Variants in CDH22 observed in about 807,000 individuals in gnomAD.
CDH22 encodes cadherin 22.
In CDH22, 30 loss-of-function variants were observed where a neutral mutation model predicts 58.4. That is an observed-to-expected ratio of 0.51 (90% CI 0.38 to 0.70). CDH22 has a LOEUF of 0.70. Ranked by LOEUF, CDH22 falls within the 30% of genes least tolerant of loss-of-function variation. The probability of loss-of-function intolerance (pLI) is 0.00; values close to 1 mark genes in which losing one functional copy is unlikely to be tolerated. For missense variants in CDH22, 1,014 were observed against 1,233.9 expected, an observed-to-expected ratio of 0.82 and a Z score of 2.67; for synonymous variants, 513 against 558.2, an observed-to-expected ratio of 0.92 and a Z score of 1.14.
At position 46,251,410 on chromosome 20, in the gene CDH22, G is replaced by A. The variant is rs890873445; in HGVS notation, c.-116C>T. 21 of 1,204,476 alleles carry A rather than the reference G, an allele frequency of 1.7e-5. No individual in the cohort carries two copies. The highest frequency in any genetic ancestry group is 1.1e-4 in the South Asian group (5 of 43,492). 74.6% of individuals were successfully genotyped at this position (1,204,476 alleles called of 1,614,324 possible). ...ACATGGTGGCCTCAGCGCGGCCGCC[G>A]GGATGTCGCCCCCGACGGGGCACCC... On this transcript the variant is annotated 5_prime_UTR_variant, in exon 2 of 12. Transcript: ENST00000537909. The surrounding 1 kb of genome is among the most constrained non-coding windows in gnomAD (Gnocchi z 6.7).
rs1026750819 is a variant in CDH22 at position 46,281,466 on chromosome 20, G to A, written c.-400+26789C>T. On this transcript the variant is annotated intron_variant, in intron 1 of 11. Coordinates refer to ENST00000537909, the MANE Select transcript of CDH22 (RefSeq NM_021248.3). ...TTGTAAATGGAAAAAAATCACATAC[G>A]CCTACCCTGATACTCTCTTGTCCTT... Among the ~76,000 whole-genome samples, 3 of 149,570 alleles carry A rather than the reference G, an allele frequency of 2.0e-5. No individual in the cohort carries two copies. The Admixed American group carries it at 2.0e-4, about 10-fold the overall frequency.
intron 7 of CDH22, among the ~76,000 whole-genome samples, chr20:46,208,635 C>T (rs1318909848): frequency 2.0e-5 from 3 of 151,976 alleles, no homozygotes; most frequent in African/African-American, 7.3e-5. Flanking sequence ...GCTCTCGTTG[C>T]CCAGGCTAGA....
At chr20:46,293,771 C>G (rs1211097196) in intron 1 of CDH22, among the ~76,000 whole-genome samples, 1 of 152,134 alleles carries the variant, frequency 6.6e-6, no homozygotes, top group African/African-American at 2.4e-5. Context: ...AATCCCAGCA[C>G]TTTCGAAGGC....
At chr20:46,303,062 G>A (rs978665369) in intron 1 of CDH22, among the ~76,000 whole-genome samples, 10 of 152,140 alleles carry the variant, frequency 6.6e-5, no homozygotes, top group Admixed American at 2.0e-4. Context: ...AAACCTGTGC[G>A]TGGCTCCCCG....
chr20:46,174,964 C>T lies in CDH22; in HGVS notation c.2029G>A (p.Glu677Lys). 1.2e-6 allele frequency: 2 copies of T among 1,602,982 alleles called. No homozygotes were observed. Among genetic ancestry groups the T allele is most frequent in the South Asian group, 1.1e-5 (1 of 90,808 alleles). The change falls in exon 12 of 12, where the codon GAG becomes AAG. Residue 677 changes from glutamate (E) to lysine (K), a missense_variant. By Grantham distance (56) the Glu-to-Lys change is moderately conservative. Around this residue, in one of 2 missense-constraint regions of CDH22, gnomAD observed 806 missense variants for 1,038.7 expected, o/e 0.78. Coordinates refer to ENST00000537909, the MANE Select transcript of CDH22 (RefSeq NM_021248.3). This position sits in a 1 kb window ranked among gnomAD's most constrained non-coding sequence, Gnocchi z 4.4. ...ATGTCGTAGGCTTCGGTGTCCTGCT[C>T]GCCGCCGCCTTCGTCGTTGTATTTG... Reference protein sequence around the residue: ...VIKYNDEGGGEQDTEAYDMSA... With the variant: ...VIKYNDEGGGKQDTEAYDMSA...
intron 7 of CDH22, among the ~76,000 whole-genome samples, chr20:46,206,758 T>G (rs2086004459): frequency 6.6e-6 from 1 of 152,186 alleles, no homozygotes; most frequent in African/African-American, 2.4e-5. Flanking sequence ...AACCATTTGC[T>G]GTCTGTCTCT....
intron 7 of CDH22, among the ~76,000 whole-genome samples, chr20:46,202,502 CG>C (rs1568656808): frequency 6.6e-6 from 1 of 151,972 alleles, no homozygotes; most frequent in Non-Finnish European, 1.5e-5. Context: ...TACAGGCGCC[CG>C]CCACCACGCC....
In CDH22 at chr20:46,180,926, T is replaced by TTGTGTGTGTG. The variant is rs11471209; in HGVS notation, c.1664-2739_1664-2730dup. Among the ~76,000 whole-genome samples the TTGTGTGTGTG allele has an allele frequency of 4.3e-3, 615 of 142,590 alleles. 2 individuals are homozygous for TTGTGTGTGTG. Among genetic ancestry groups the TTGTGTGTGTG allele is most frequent in the African/African-American group, 0.015 (554 of 37,910 alleles). 93.5% of individuals were successfully genotyped at this position (142,590 alleles called of 152,430 possible). A position where few individuals can be genotyped will look rare whatever the true frequency, so the allele number is the denominator to read the frequency against. On this transcript the variant is annotated intron_variant, in intron 10 of 11. Coordinates refer to ENST00000537909, the MANE Select transcript of CDH22 (RefSeq NM_021248.3). ...TTTTTTTTAATTTTTAAAGTTTGTTTTGTGTGTGTGTGTGTGTGTGTGTGT... is the reference window on the plus strand; with the variant it reads ...TTTTTTTTAATTTTTAAAGTTTGTTTTGTGTGTGTGTGTGTGTGTGTGTGTGTGTGTGTGT...
At chr20:46,306,379 G>C (rs2086678048) in intron 1 of CDH22, among the ~76,000 whole-genome samples, 1 of 152,262 alleles carries the variant, frequency 6.6e-6, no homozygotes, top group Non-Finnish European at 1.5e-5. Context: ...GGTCTCCAAT[G>C]TGCTGCTCAC....
At chr20:46,247,951 C>G (rs2425802) in intron 2 of CDH22, among the ~76,000 whole-genome samples, 57,354 of 151,696 alleles carry the variant, frequency 0.38, 11,107 homozygotes, top group Middle Eastern at 0.6. Flanking sequence ...AATGTGGGGA[C>G]TGGTTGCTGG....
At chr20:46,188,312 G>C (rs771164379) in intron 8 of CDH22, among the ~76,000 whole-genome samples, 1 of 152,122 alleles carries the variant, frequency 6.6e-6, no homozygotes, top group Admixed American at 6.5e-5. Flanking sequence ...TTCCAGCTCT[G>C]CTGTTTTATG....
chr20:46,184,949 G>C (rs1007905768), intron 10 of CDH22, among the ~76,000 whole-genome samples: 1 of 152,126 alleles, frequency 6.6e-6, no homozygotes, highest in African/African-American at 2.4e-5. Context: ...AGCCTGGCGT[G>C]GTGGTGCGTG....
chr20:46,178,967 C>T (rs533111551), intron 10 of CDH22, among the ~76,000 whole-genome samples: 19 of 152,336 alleles, frequency 1.2e-4, no homozygotes, highest in Middle Eastern at 3.4e-3. Flanking sequence ...AGTGAACAAA[C>T]ACAAATGGAA....
chr20:46,267,736 T>G (rs1266582087), intron 1 of CDH22, among the ~76,000 whole-genome samples: 2 of 152,270 alleles, frequency 1.3e-5, no homozygotes, highest in Admixed American at 6.5e-5. Context: ...TCTTTCCATC[T>G]GTAAAAGAAG....
chr20:46,306,617 A>T (rs2086679171), intron 1 of CDH22, among the ~76,000 whole-genome samples: 1 of 152,194 alleles, frequency 6.6e-6, no homozygotes, highest in Non-Finnish European at 1.5e-5. Context: ...AGTGTCCCAG[A>T]CACTGGGACA....
intron 1 of CDH22, among the ~76,000 whole-genome samples, chr20:46,282,568 A>G (rs2086555698): frequency 6.6e-6 from 1 of 152,264 alleles, no homozygotes; most frequent in Non-Finnish European, 1.5e-5. Flanking sequence ...ACAGATTAAA[A>G]TAAAAACACC....
At chr20:46,276,441 C>T (rs980695585) in intron 1 of CDH22, among the ~76,000 whole-genome samples, 8 of 152,034 alleles carry the variant, frequency 5.3e-5, no homozygotes, top group Non-Finnish European at 1.0e-4. Context: ...CAGTCGTGGG[C>T]GATTGATTGG....
At chr20:46,292,438 G>A (rs1006562924) in intron 1 of CDH22, among the ~76,000 whole-genome samples, 1 of 152,138 alleles carries the variant, frequency 6.6e-6, no homozygotes, top group Non-Finnish European at 1.5e-5. Context: ...CCATACTGTG[G>A]GACTCCAGGC....
chr20:46,174,901 T>G lies in CDH22; in HGVS notation c.2092A>C (p.Lys698Gln). ...LRSLYDFGEL[K>Q]GGDGGGSAGG... The stretch of plus-strand genomic sequence containing the variant: ...GCGCTGCCGCCCCCGTCGCCGCCCT[T>G]GAGCTCGCCGAAGTCGTAGAGGCTC... The change falls in exon 12 of 12, where the codon AAG (lysine) becomes CAG (glutamine). Residue 698 changes from lysine to glutamine, a missense_variant. Coordinates refer to ENST00000537909, the MANE Select transcript of CDH22 (RefSeq NM_021248.3). The surrounding 1 kb of genome is among the most constrained non-coding windows in gnomAD (Gnocchi z 4.4). The G allele has an allele frequency of 6.9e-7, 1 of 1,451,204 alleles. No individual in the cohort carries two copies. The highest frequency in any genetic ancestry group is 9.1e-7 in the Non-Finnish European group (1 of 1,097,734). 89.9% of individuals were successfully genotyped at this position (1,451,204 alleles called of 1,614,324 possible). A position where few individuals can be genotyped will look rare whatever the true frequency, so the allele number is the denominator to read the frequency against.
Sources: allele counts gnomAD v4.1 joint callset (sites outside exome capture counted in the v4.1 genomes callset), GRCh38; gene constraint gnomAD v4.1.1; regional missense constraint gnomAD v4.1.1; non-coding constraint Gnocchi (gnomAD v3.1); transcripts MANE v1.5; gene names NCBI Gene and HGNC (gene_info 2026-07-23, HGNC 2026-07-21).